The following UBE3A variants were observed in gnomAD, a reference collection of about 807,000 sequenced individuals.
UBE3A encodes the protein ubiquitin-protein ligase E3A.
Under a neutral mutation model 83.4 loss-of-function variants are expected in UBE3A, and 6 were observed. The observed-to-expected ratio is 0.07, with a 90% CI of 0.04 to 0.14. The LOEUF (loss-of-function observed/expected upper bound fraction) is 0.14, where lower values mean the gene tolerates loss of function less well. UBE3A is among the 10% of genes least tolerant of loss of function. The pLI is 1.00. For synonymous variants in UBE3A, 337 were observed against 355.4 expected, an observed-to-expected ratio of 0.95 and a Z score of 0.58; for missense variants, 456 against 1,036.1, an observed-to-expected ratio of 0.44 and a Z score of 7.69.
At chr15:25,396,872 A>G (rs745356362) in intron 4 of UBE3A, among the ~76,000 whole-genome samples, 3 of 152,172 alleles carry the variant, frequency 2.0e-5, no homozygotes, top group Non-Finnish European at 4.4e-5. Flanking sequence ...TTAACTGTAT[A>G]TAAATTATTA....
rs2074010315 is a variant in UBE3A, at chr15:25,337,212, C to T, written c.*1925G>A. 6.6e-6 allele frequency: 1 copy of T among 151,970 alleles called. No individual in the cohort carries two copies. Among genetic ancestry groups the T allele is most frequent in the African/African-American group, 2.4e-5 (1 of 41,336 alleles). The allele number at this position is 151,970 out of a possible 1,614,324, so 9.4% of individuals were successfully genotyped here. A position where few individuals can be genotyped will look rare whatever the true frequency, so the allele number is the denominator to read the frequency against. On this transcript the variant is annotated 3_prime_UTR_variant, in exon 13 of 13. Coordinates refer to ENST00000648336, the MANE Select transcript of UBE3A (RefSeq NM_130839.5). The stretch of plus-strand genomic sequence containing the variant: ...ACAATTGTAGAACTTTAATAAATAC[C>T]ATAATAATAAAACTTGAGAACTGAA...
At chr15:25,435,792 TG>T (rs1462364132) in intron 1 of UBE3A, among the ~76,000 whole-genome samples, 9 of 152,170 alleles carry the variant, frequency 5.9e-5, no homozygotes. Flanking sequence ...ACACATTCTC[TG>T]GTAAACACTA....
At chr15:25,340,836 G>A (rs1487367111) in intron 11 of UBE3A, among the ~76,000 whole-genome samples, 2 of 152,160 alleles carry the variant, frequency 1.3e-5, no homozygotes, top group Non-Finnish European at 2.9e-5. Flanking sequence ...CAAGTAATAT[G>A]TGCTGTGTAT....
At chr15:25,374,148 A>T (rs1355976808) in intron 5 of UBE3A, 1 of 152,260 alleles carries the variant, frequency 6.6e-6, no homozygotes, top group Non-Finnish European at 1.5e-5. Context: ...AAACAAAAAA[A>T]CCAGTAACGA....
At chr15:25,351,932 G>A (rs1191066268) in intron 11 of UBE3A, among the ~76,000 whole-genome samples, 2 of 152,030 alleles carry the variant, frequency 1.3e-5, no homozygotes, top group African/African-American at 4.8e-5. Flanking sequence ...GGTGGCTCAC[G>A]CCTGTAATCC....
intron 9 of UBE3A, 52 bp from the exon 10 acceptor site, chr15:25,354,735 AAC>A (rs1472157291): frequency 6.5e-7 from 1 of 1,530,820 alleles, no homozygotes; most frequent in African/African-American, 1.4e-5. Flanking sequence ...ATGCAAACAA[AAC>A]ACAAGTTATT....
chr15:25,373,665 G>C (rs994238332), intron 5 of UBE3A: 2 of 152,132 alleles, frequency 1.3e-5, no homozygotes, highest in African/African-American at 4.8e-5. Context: ...TTTTAGTAGA[G>C]AGGGGGTTTC....
Position 25,372,272 on chromosome 15 carries a change from T to TA in UBE3A, c.362-461dup, listed in dbSNP as rs538687297. 2.4e-4 allele frequency among the ~76,000 whole-genome samples: 36 copies of TA among 152,250 alleles called. No homozygotes were observed. In the South Asian group the frequency reaches 3.5e-3, roughly 15 times the overall value. ...TCCAAAGACTAAGAAGGCAAGGTCT[T>TA]AAAAAAAGGCTCCTTCAGCATCTAT... On this transcript the variant is annotated intron_variant, in intron 5 of 12. Coordinates refer to ENST00000648336, the MANE Select transcript of UBE3A (RefSeq NM_130839.5).
intron 10 of UBE3A, 22 bp from the exon 11 acceptor site, chr15:25,354,448 T>C (rs1471972210): frequency 6.2e-7 from 1 of 1,612,524 alleles, no homozygotes; most frequent in Admixed American, 1.7e-5. Context: ...AGAAAATATG[T>C]CTTAGTTATC....
intron 11 of UBE3A, among the ~76,000 whole-genome samples, chr15:25,342,042 CA>C (rs1445834908): frequency 7.2e-5 from 11 of 152,020 alleles, no homozygotes; most frequent in Admixed American, 2.0e-4. Flanking sequence ...CAAGAGAAAA[CA>C]AAAAAGAAAC....
chr15:25,360,590 T>G, intron 6 of UBE3A, 63 bp from the exon 7 acceptor site: 1 of 1,571,290 alleles, frequency 6.4e-7, no homozygotes. Flanking sequence ...AAAAACAAAA[T>G]AAAAACAAGG....
At chr15:25,392,229 C>T (rs934987071) in intron 4 of UBE3A, among the ~76,000 whole-genome samples, 3 of 152,180 alleles carry the variant, frequency 2.0e-5, no homozygotes, top group African/African-American at 7.2e-5. Context: ...AGAATCTGCT[C>T]TAGTCAGGTC....
intron 4 of UBE3A, among the ~76,000 whole-genome samples, chr15:25,378,496 C>T (rs560310280): frequency 2.6e-5 from 4 of 152,192 alleles, no homozygotes; most frequent in African/African-American, 4.8e-5. Flanking sequence ...ACACACACTG[C>T]GGGGCACTTT....
intron 1 of UBE3A, among the ~76,000 whole-genome samples, chr15:25,412,407 G>A (rs758251799): frequency 2.6e-5 from 4 of 152,154 alleles, no homozygotes; most frequent in Admixed American, 1.3e-4. Flanking sequence ...GCAGCCTTGG[G>A]CCGACCCTCT....
chr15:25,408,505 T>C (rs967577990), intron 3 of UBE3A: 5 of 1,351,630 alleles, frequency 3.7e-6, no homozygotes, highest in Non-Finnish European at 5.3e-6. Context: ...AAAATGTAAA[T>C]CTCAGAATGA....
At chr15:25,436,590 G>T (rs564756442) in intron 1 of UBE3A, among the ~76,000 whole-genome samples, 1 of 152,138 alleles carries the variant, frequency 6.6e-6, no homozygotes, top group Non-Finnish European at 1.5e-5. Flanking sequence ...GATCGAAATA[G>T]AAATTATCTA....
chr15:25,381,207 T>A (rs980825590), intron 4 of UBE3A, among the ~76,000 whole-genome samples: 1 of 152,196 alleles, frequency 6.6e-6, no homozygotes, highest in Non-Finnish European at 1.5e-5. Context: ...GTGTTCAATG[T>A]TTTTTTAGTT....
At chr15:25,412,298 T>C (rs1213932894) in intron 1 of UBE3A, among the ~76,000 whole-genome samples, 3 of 152,208 alleles carry the variant, frequency 2.0e-5, no homozygotes, top group Non-Finnish European at 4.4e-5. Context: ...CCTCTAATCC[T>C]TTCAAATACC....
chr15:25,415,814 CTA>C (rs2090782346), intron 1 of UBE3A: 1 of 131,092 alleles, frequency 7.6e-6, no homozygotes, highest in African/African-American at 2.9e-5. Flanking sequence ...ATAATGGTGA[CTA>C]TGTTTTCTTG....
Sources: allele counts gnomAD v4.1 joint callset (sites outside exome capture counted in the v4.1 genomes callset), GRCh38; gene constraint gnomAD v4.1.1; transcripts MANE v1.5; gene names NCBI Gene and HGNC (gene_info 2026-07-23, HGNC 2026-07-21).